The following NR4A1 variants were observed in gnomAD, a reference collection of about 807,000 sequenced individuals.
NR4A1 encodes the protein nuclear receptor subfamily 4 group A member 1.
In NR4A1, 24 loss-of-function variants were observed where a neutral mutation model predicts 47.5. The ratio of observed to expected loss-of-function variants is 0.50; its 90% CI spans 0.37 to 0.71. The LOEUF (loss-of-function observed/expected upper bound fraction) is 0.71. Among genes scored for constraint, NR4A1 ranks in the 30% least tolerant of loss-of-function variants. NR4A1 has a pLI of 0.00. For synonymous variants in NR4A1, 353 were observed against 345.7 expected (o/e 1.02, Z -0.24); for missense variants, 669 against 788.6 (o/e 0.85, Z 1.82).
At chr12:52,051,427 C>T (rs1938932415), upstream of NR4A1, 2 of 985,564 alleles carry the variant, frequency 2.0e-6, no homozygotes, top group Non-Finnish European at 2.4e-6. Flanking sequence ...AGAGGAGGGT[C>T]GGGCTCGGCC....
At chr12:52,052,036 CG>C (rs1488131627) in intron 1 of NR4A1, among the ~76,000 whole-genome samples, 1 of 152,106 alleles carries the variant, frequency 6.6e-6, no homozygotes, top group Non-Finnish European at 1.5e-5. Flanking sequence ...CCCAGTGTCC[CG>C]GTTGTTTTCT....
At chr12:52,049,045 A>G (rs1938790399), upstream of NR4A1, among the ~76,000 whole-genome samples, 1 of 152,186 alleles carries the variant, frequency 6.6e-6, no homozygotes, top group Non-Finnish European at 1.5e-5. Context: ...CTGCAGATGC[A>G]TTCACGTTGA....
In NR4A1 at chr12:52,025,257, C is replaced by T. The variant is rs181376797; in HGVS notation, c.-84+2318C>T. 5.2e-3 allele frequency among the ~76,000 whole-genome samples: 797 copies of T among 152,188 alleles called. 9 individuals are homozygous for T. The highest frequency in any genetic ancestry group is 0.012 in the South Asian group (59 of 4,816). On this transcript the variant is annotated intron_variant, in intron 1 of 7. Coordinates refer to the NR4A1 transcript ENST00000360284. ...CATATTTTTAGTAGAGATGGGGTTTCGCCATGTTGGCCAGGCTGGTCTCGA... is the reference window on the plus strand; with the variant it reads ...CATATTTTTAGTAGAGATGGGGTTTTGCCATGTTGGCCAGGCTGGTCTCGA...
chr12:52,032,995 C>A (rs1278439474), intron 1 of NR4A1, among the ~76,000 whole-genome samples: 1 of 152,202 alleles, frequency 6.6e-6, no homozygotes, highest in African/African-American at 2.4e-5. Flanking sequence ...AGCTTCGGCT[C>A]AATGGTTCAT....
At chr12:52,039,947 CT>C (rs1386058529) in intron 1 of NR4A1, among the ~76,000 whole-genome samples, 2 of 152,168 alleles carry the variant, frequency 1.3e-5, no homozygotes, top group Non-Finnish European at 2.9e-5. Flanking sequence ...TAGTGAGTGG[CT>C]GGGAAATGAG....
In NR4A1 at chr12:52,056,019, C is replaced by T; in HGVS notation, c.877-11C>T. Reference sequence around the variant, plus strand: ...CTCTGACAGCTTGTTCCGTGTTGCCCCCCCACCCAGCGCACAGTGCAGAAA... The same window carrying T: ...CTCTGACAGCTTGTTCCGTGTTGCCTCCCCACCCAGCGCACAGTGCAGAAA... On this transcript the variant is annotated splice_polypyrimidine_tract_variant and intron_variant, in intron 2 of 6. Coordinates refer to ENST00000394825, the MANE Select transcript of NR4A1 (RefSeq NM_173157.3). 6.8e-7 allele frequency: 1 copy of T among 1,475,490 alleles called. No homozygotes were observed. Among genetic ancestry groups the T allele is most frequent in the Non-Finnish European group, 9.0e-7 (1 of 1,108,982 alleles). The allele number at this position is 1,475,490 out of a possible 1,614,324, so 91.4% of individuals were successfully genotyped here.
chr12:52,059,313 C>T lies in NR4A1; in HGVS notation c.*369C>T. On this transcript the variant is annotated 3_prime_UTR_variant, in exon 7 of 7. Transcript: ENST00000394825. Reference sequence around the variant, plus strand: ...AAGGGATGGGCCCCGCCTTCCTGGGCAGCCTTTCCAGCCTCCTGCTGGCTC... The same window carrying T: ...AAGGGATGGGCCCCGCCTTCCTGGGTAGCCTTTCCAGCCTCCTGCTGGCTC... 1 of 198,186 alleles carries T rather than the reference C, an allele frequency of 5.0e-6. No individual in the cohort carries two copies. The highest frequency in any genetic ancestry group is 1.0e-5 in the Non-Finnish European group (1 of 99,074). The allele number at this position is 198,186 out of a possible 1,614,324, so 12.3% of individuals were successfully genotyped here.
In NR4A1 at chr12:52,054,888, C is replaced by T. The variant is rs1939173346; in HGVS notation, c.560C>T (p.Pro187Leu). 1.9e-6 allele frequency: 3 copies of T among 1,614,056 alleles called. No homozygotes were observed. In the African/African-American group the frequency reaches 4.0e-5, roughly 22 times the overall value. Residue 187 changes from proline (P) to leucine (L), a missense_variant, in exon 2 of 7, where the codon CCA becomes CTA. Transcript: ENST00000394825. ...AAAGCCTCTGGGCCCCCACAGCCTC[C>T]AGCCTTCTTTTCCTTCAGTCCTCCC... ...LPKASGPPQPPAFFSFSPPTG... is the reference protein window; with the variant it reads ...LPKASGPPQPLAFFSFSPPTG...
upstream of NR4A1, among the ~76,000 whole-genome samples, chr12:52,047,380 G>A (rs1019268055): frequency 1.3e-5 from 2 of 152,224 alleles, no homozygotes; most frequent in Non-Finnish European, 2.9e-5. Context: ...GGCCCACAAG[G>A]CCTGGGATCC....
chr12:52,048,069 G>C (rs1431026489), upstream of NR4A1, among the ~76,000 whole-genome samples: 1 of 151,682 alleles, frequency 6.6e-6, no homozygotes, highest in Admixed American at 6.6e-5. Flanking sequence ...CAGGAGAATG[G>C]CATGAACCTG....
chr12:52,057,173 T>C lies in NR4A1; in HGVS notation c.1275T>C (p.Pro425=). The change falls in exon 5 of 7, where the codon CCT becomes CCC. Residue 425 remains proline, a synonymous_variant. Transcript: ENST00000394825. ...EVIRKWAEKI[P]GFAELSPADQ... The stretch of plus-strand genomic sequence containing the variant: ...TCCGCAAGTGGGCGGAGAAGATCCC[T>C]GGCTTTGCTGAGCTGTCACCGGCTG... The C allele has an allele frequency of 6.2e-7, 1 of 1,614,094 alleles. No homozygotes were observed. Among genetic ancestry groups the C allele is most frequent in the Non-Finnish European group, 8.5e-7 (1 of 1,179,956 alleles).
chr12:52,029,617 G>A (rs1454148185), intron 1 of NR4A1, among the ~76,000 whole-genome samples: 2 of 152,192 alleles, frequency 1.3e-5, no homozygotes, highest in Non-Finnish European at 2.9e-5. Context: ...GAGCCAGGGA[G>A]GCTGAGGCTG....
At chr12:52,037,625 C>T (rs1449415406) in intron 1 of NR4A1, 2 of 985,290 alleles carry the variant, frequency 2.0e-6, no homozygotes, top group Non-Finnish European at 1.2e-6. Context: ...CCAAGGGCGA[C>T]GGCCAAGGCT....
intron 1 of NR4A1, among the ~76,000 whole-genome samples, chr12:52,024,225 G>A (rs1474131895): frequency 2.0e-5 from 3 of 152,198 alleles, no homozygotes; most frequent in Non-Finnish European, 4.4e-5. Context: ...CCTTCTCCCT[G>A]CCCCAGCCCC....
At chr12:52,024,235 C>T (rs1213094077) in intron 1 of NR4A1, among the ~76,000 whole-genome samples, 1 of 152,244 alleles carries the variant, frequency 6.6e-6, no homozygotes, top group East Asian at 1.9e-4. Context: ...GCCCCAGCCC[C>T]ACAGTGGAAG....
At position 52,056,023 on chromosome 12, in the gene NR4A1, C is replaced by CA. The variant is rs755547706; in HGVS notation, c.877-6dup. The CA allele has an allele frequency of 1.3e-6, 2 of 1,481,796 alleles. No homozygotes were observed. Among genetic ancestry groups the CA allele is most frequent in the East Asian group, 5.1e-5 (2 of 39,462 alleles). The allele number at this position is 1,481,796 out of a possible 1,614,324, so 91.8% of individuals were successfully genotyped here. On this transcript the variant is annotated splice_region_variant and splice_polypyrimidine_tract_variant and intron_variant, in intron 2 of 6. Coordinates refer to ENST00000394825, the MANE Select transcript of NR4A1 (RefSeq NM_173157.3). Reference sequence around the variant, plus strand: ...GACAGCTTGTTCCGTGTTGCCCCCCCACCCAGCGCACAGTGCAGAAAAACG... The same window carrying CA: ...GACAGCTTGTTCCGTGTTGCCCCCCCAACCCAGCGCACAGTGCAGAAAAACG...
At chr12:52,030,663 A>T (rs914962865) in intron 1 of NR4A1, among the ~76,000 whole-genome samples, 6 of 152,188 alleles carry the variant, frequency 3.9e-5, no homozygotes, top group Admixed American at 3.9e-4. Flanking sequence ...TCCTGACCTC[A>T]TGTGATCCGC....
upstream of NR4A1, among the ~76,000 whole-genome samples, chr12:52,048,810 G>A (rs1013107201): frequency 3.3e-5 from 5 of 151,844 alleles, no homozygotes; most frequent in African/African-American, 1.2e-4. Context: ...AATTCTATAT[G>A]TGGTTTTAAA....
At chr12:52,023,545 C>A (rs1005135650) in intron 1 of NR4A1, among the ~76,000 whole-genome samples, 35 of 152,168 alleles carry the variant, frequency 2.3e-4, no homozygotes, top group African/African-American at 7.0e-4. Flanking sequence ...GGGACCTTCC[C>A]CTCGCACTAG....
Sources: allele counts gnomAD v4.1 joint callset (sites outside exome capture counted in the v4.1 genomes callset), GRCh38; gene constraint gnomAD v4.1.1; transcripts MANE v1.5; gene names NCBI Gene and HGNC (gene_info 2026-07-23, HGNC 2026-07-21).